The following TEKT3 variants were observed in gnomAD, a reference collection of about 807,000 sequenced individuals.
The protein encoded by TEKT3 is tektin 3.
A neutral mutation model predicts 49.8 loss-of-function variants in TEKT3; 49 were observed. The observed-to-expected ratio is 0.98, with a 90% CI of 0.78 to 1.25. The LOEUF (loss-of-function observed/expected upper bound fraction) is 1.25, where lower values mean the gene tolerates loss of function less well. Ranked by LOEUF, TEKT3 falls within the 50% of genes most tolerant of loss-of-function variation. TEKT3 has a pLI of 0.00. For missense variants in TEKT3, 595 were observed against 629.5 expected, an observed-to-expected ratio of 0.95 and a Z score of 0.59; for synonymous variants, 225 against 237.2, an observed-to-expected ratio of 0.95 and a Z score of 0.47.
chr17:15,343,423 G>A (rs1035381119), upstream of TEKT3, among the ~76,000 whole-genome samples: 3 of 152,086 alleles, frequency 2.0e-5, no homozygotes, highest in South Asian at 2.1e-4. Context: ...GTTAATGCTT[G>A]CCCTTCAGTT....
At position 15,312,348 on chromosome 17, in the gene TEKT3, T is replaced by C; in HGVS notation, c.1012A>G (p.Asn338Asp). The C allele has an allele frequency of 6.2e-7, 1 of 1,614,182 alleles. No individual in the cohort carries two copies. The highest frequency in any genetic ancestry group is 8.5e-7 in the Non-Finnish European group (1 of 1,179,988). Reference protein sequence around the residue: ...LLVVTANEMWNQFNKVNLSFT... With the variant: ...LLVVTANEMWDQFNKVNLSFT... Reference sequence around the variant, plus strand: ...GACAAGTTCACTTTGTTGAATTGATTCCACATCTCATTGGCAGTCACAACC... The same window carrying C: ...GACAAGTTCACTTTGTTGAATTGATCCCACATCTCATTGGCAGTCACAACC... Residue 338 changes from asparagine (N) to aspartate (D), a missense_variant, in exon 7 of 9, where the codon AAT becomes GAT. Transcript: ENST00000395930.
At chr17:15,327,710 C>T (rs372685398) in intron 4 of TEKT3, 1 of 345,574 alleles carries the variant, frequency 2.9e-6, no homozygotes, top group Non-Finnish European at 5.3e-6. Context: ...GAAAAAAAAG[C>T]ATGATTAATA....
chr17:15,308,284 G>A (rs939696838), intron 8 of TEKT3, among the ~76,000 whole-genome samples: 1 of 152,150 alleles, frequency 6.6e-6, no homozygotes, highest in Admixed American at 6.5e-5. Flanking sequence ...AAAAGAACCC[G>A]AACACCACAC....
chr17:15,343,062 G>A (rs1280431833), upstream of TEKT3, among the ~76,000 whole-genome samples: 1 of 152,154 alleles, frequency 6.6e-6, no homozygotes, highest in Non-Finnish European at 1.5e-5. Context: ...TGTTCTTTGG[G>A]CCAAAAGACT....
chr17:15,327,952 A>G, intron 4 of TEKT3, 40 bp downstream of exon 4: 1 of 1,572,754 alleles, frequency 6.4e-7, no homozygotes, highest in South Asian at 1.1e-5. Flanking sequence ...TACATTTACA[A>G]CTAAGCTGCC....
chr17:15,337,324 G>T (rs921559955), intron 2 of TEKT3, among the ~76,000 whole-genome samples: 1 of 150,422 alleles, frequency 6.6e-6, no homozygotes, highest in Admixed American at 6.6e-5. Flanking sequence ...CAATAATGAA[G>T]GAAAAAAATG....
intron 4 of TEKT3, 129 bp downstream of exon 4, chr17:15,327,862 GC>G: frequency 1.4e-6 from 1 of 695,382 alleles, no homozygotes. Flanking sequence ...TTTGCTAAAT[GC>G]TATCAGCATC....
chr17:15,324,410 A>T (rs1014591132), intron 4 of TEKT3, among the ~76,000 whole-genome samples: 4 of 152,188 alleles, frequency 2.6e-5, no homozygotes, highest in Admixed American at 2.0e-4. Context: ...ATATCCATGC[A>T]CAAATTTTTG....
At position 15,328,003 on chromosome 17, in the gene TEKT3, G is replaced by T. The variant is rs745656306; in HGVS notation, c.652C>A (p.Gln218Lys). The change falls in exon 4 of 9, where the codon CAA becomes AAA. Residue 218 changes from glutamine to lysine, a missense_variant. By Grantham distance (53) the Gln-to-Lys change is moderately conservative. Transcript: ENST00000395930. Reference sequence around the variant, plus strand: ...TCCCCCACATTTACCGTCAGCAGTTGTGCTTCAACTTCATCGTGAACTAGG... The same window carrying T: ...TCCCCCACATTTACCGTCAGCAGTTTTGCTTCAACTTCATCGTGAACTAGG... The part of the protein sequence containing the change: ...IDLVHDEVEA[Q>K]LLTEVDTILC... 3 of 1,613,848 alleles carry T rather than the reference G, an allele frequency of 1.9e-6. No individual in the cohort carries two copies. Among genetic ancestry groups the T allele is most frequent in the Non-Finnish European group, 1.7e-6 (2 of 1,179,834 alleles).
At chr17:15,334,601 T>A (rs577036559) in intron 2 of TEKT3, among the ~76,000 whole-genome samples, 1 of 152,226 alleles carries the variant, frequency 6.6e-6, no homozygotes, top group African/African-American at 2.4e-5. Context: ...CAAAAGCACC[T>A]GGTGATGTGT....
chr17:15,328,152 A>G (rs1246800092), intron 3 of TEKT3, 77 bp from the exon 4 acceptor site: 1 of 1,362,584 alleles, frequency 7.3e-7, no homozygotes. Flanking sequence ...ATTTGTTTCA[A>G]AAATAAGTCA....
At chr17:15,310,321 G>A (rs1476835907) in intron 7 of TEKT3, among the ~76,000 whole-genome samples, 1 of 152,176 alleles carries the variant, frequency 6.6e-6, no homozygotes, top group African/African-American at 2.4e-5. Flanking sequence ...ACCTGTTAGG[G>A]CTGAATAGTG....
chr17:15,304,269 A>G lies in TEKT3; in HGVS notation c.1257-117T>C, dbSNP rs893461323. 5 of 969,556 alleles carry G rather than the reference A, an allele frequency of 5.2e-6. No individual in the cohort carries two copies. The African/African-American group carries it at 8.2e-5, about 16-fold the overall frequency. The allele number at this position is 969,556 out of a possible 1,614,324, so 60.1% of individuals were successfully genotyped here. ...ATTTTCTTTACTTTAGGATATATTT[A>G]TCAGCAAATGAGAGGTGCATGAAAT... On this transcript the variant is annotated intron_variant, in intron 8 of 8. Transcript: ENST00000395930. The surrounding 1 kb of genome is among the most constrained non-coding windows in gnomAD (Gnocchi z 4.7).
At position 15,304,994 on chromosome 17, in the gene TEKT3, C is replaced by T. The variant is rs191486792; in HGVS notation, c.1257-842G>A. 4.1e-4 allele frequency among the ~76,000 whole-genome samples: 62 copies of T among 152,298 alleles called. No individual in the cohort carries two copies. Among genetic ancestry groups the T allele is most frequent in the Middle Eastern group, 3.4e-3 (1 of 294 alleles). ...ATTGTCTGCTTGCAACATCTGCTGTCCTTGCCCAGGGCTACATCCACAGCC... is the reference window on the plus strand; with the variant it reads ...ATTGTCTGCTTGCAACATCTGCTGTTCTTGCCCAGGGCTACATCCACAGCC... On this transcript the variant is annotated intron_variant, in intron 8 of 8. Coordinates refer to ENST00000395930, the MANE Select transcript of TEKT3 (RefSeq NM_031898.3). This position sits in a 1 kb window ranked among gnomAD's most constrained non-coding sequence, Gnocchi z 4.7.
intron 4 of TEKT3, among the ~76,000 whole-genome samples, chr17:15,322,120 A>T (rs766341579): frequency 2.6e-5 from 4 of 152,152 alleles, no homozygotes; most frequent in Non-Finnish European, 5.9e-5. Context: ...TGGTGGTTAA[A>T]TGTGCGTTGC....
At chr17:15,323,501 C>G (rs529233658) in intron 4 of TEKT3, among the ~76,000 whole-genome samples, 2 of 152,312 alleles carry the variant, frequency 1.3e-5, no homozygotes, top group East Asian at 3.9e-4. Flanking sequence ...GCCTCCCCAA[C>G]AGAAGCCATC....
chr17:15,329,529 C>T (rs1363718113), intron 3 of TEKT3, among the ~76,000 whole-genome samples: 1 of 152,154 alleles, frequency 6.6e-6, no homozygotes, highest in Non-Finnish European at 1.5e-5. Context: ...TAGAATAAAC[C>T]AATACTTCAG....
At chr17:15,332,580 T>C (rs1911809533) in intron 2 of TEKT3, among the ~76,000 whole-genome samples, 1 of 152,156 alleles carries the variant, frequency 6.6e-6, no homozygotes, top group African/African-American at 2.4e-5. Flanking sequence ...GTGGTTGATA[T>C]GCAAACGCAG....
At chr17:15,317,991 C>CT (rs1212632176) in intron 5 of TEKT3, among the ~76,000 whole-genome samples, 170 of 98,116 alleles carry the variant, frequency 1.7e-3, no homozygotes, top group East Asian at 8.0e-3. Context: ...TTTTTTTTTT[C>CT]TTTTTTTTTT....
Sources: gnomAD v4.1 joint callset for allele counts (sites outside exome capture counted in the v4.1 genomes callset) on GRCh38, gnomAD v4.1.1 for gene constraint, Gnocchi (gnomAD v3.1) non-coding constraint, MANE v1.5 for transcripts, NCBI Gene and HGNC (gene_info 2026-07-23, HGNC 2026-07-21) for gene names.